Variants in CSMD3 observed in about 807,000 individuals in gnomAD.
CSMD3 encodes the protein CUB and sushi domain-containing protein 3.
A neutral mutation model predicts 435.2 loss-of-function variants in CSMD3; 177 were observed. The ratio of observed to expected loss-of-function variants is 0.41; its 90% confidence interval spans 0.36 to 0.46. The LOEUF (loss-of-function observed/expected upper bound fraction) is 0.46. Ranked by LOEUF, CSMD3 falls within the 20% of genes least tolerant of loss-of-function variation. The probability of loss-of-function intolerance (pLI) is 0.34; values close to 1 mark genes in which losing one functional copy is unlikely to be tolerated. For synonymous variants in CSMD3, 1,656 were observed against 1,520.5 expected (o/e 1.09, Z -2.07); for missense variants, 4,265 against 4,504.6 (o/e 0.95, Z 1.52).
chr8:112,296,117 C>A (rs938426691), intron 53 of CSMD3, 111 bp from the exon 54 acceptor site: 16 of 803,336 alleles, frequency 2.0e-5, no homozygotes, highest in Non-Finnish European at 4.1e-6. Flanking sequence ...AAGCAAGCAA[C>A]AAATAATTCA....
Position 112,380,244 on chromosome 8 carries a change from T to A in CSMD3, c.6136+108A>T, listed in dbSNP as rs1020515111. 4 of 609,786 alleles carry A rather than the reference T, an allele frequency of 6.6e-6. No homozygotes were observed. The Admixed American group carries it at 8.2e-5, about 13-fold the overall frequency. 37.8% of individuals were successfully genotyped at this position (609,786 alleles called of 1,614,324 possible). A position where few individuals can be genotyped will look rare whatever the true frequency, so the allele number is the denominator to read the frequency against. On this transcript the variant is annotated intron_variant, in intron 38 of 70. Transcript: ENST00000297405. ...TCAAACTTTCAAGAAAATAAGACAATGTTTTCTTTGAGAAAGTTGCTATAA... is the reference window on the plus strand; with the variant it reads ...TCAAACTTTCAAGAAAATAAGACAAAGTTTTCTTTGAGAAAGTTGCTATAA...
At chr8:113,238,012 T>C (rs1281385689) in intron 3 of CSMD3, among the ~76,000 whole-genome samples, 1 of 149,038 alleles carries the variant, frequency 6.7e-6, no homozygotes, top group Admixed American at 6.7e-5. Context: ...GAGGTGGAGG[T>C]TGCAGTGAGC....
intron 3 of CSMD3, among the ~76,000 whole-genome samples, chr8:113,248,718 C>T (rs2093305014): frequency 6.6e-6 from 1 of 150,960 alleles, no homozygotes; most frequent in African/African-American, 2.4e-5. Context: ...AATTTATTTC[C>T]ACCACACGTA....
At chr8:113,234,566 C>G (rs1319801005) in intron 3 of CSMD3, among the ~76,000 whole-genome samples, 1 of 152,126 alleles carries the variant, frequency 6.6e-6, no homozygotes, top group Non-Finnish European at 1.5e-5. Flanking sequence ...TACTAGAACA[C>G]AAGGAAGAAT....
intron 6 of CSMD3, among the ~76,000 whole-genome samples, chr8:112,995,275 A>C (rs755686067): frequency 6.6e-6 from 1 of 151,372 alleles, no homozygotes; most frequent in Non-Finnish European, 1.5e-5. Flanking sequence ...TGGAAAACAA[A>C]GTTAGTGCAA....
At chr8:112,371,163 A>G (rs1432686689) in intron 38 of CSMD3, among the ~76,000 whole-genome samples, 4 of 152,178 alleles carry the variant, frequency 2.6e-5, no homozygotes, top group Non-Finnish European at 5.9e-5. Context: ...CCTAGCCCAC[A>G]TGGATATGGG....
chr8:113,000,294 A>G (rs891573939), intron 6 of CSMD3, among the ~76,000 whole-genome samples: 6 of 152,072 alleles, frequency 3.9e-5, no homozygotes, highest in African/African-American at 1.4e-4. Context: ...GAAAAGAATG[A>G]GAAGAGGATT....
intron 17 of CSMD3, among the ~76,000 whole-genome samples, chr8:112,660,258 A>C (rs1199870442): frequency 6.6e-6 from 1 of 152,164 alleles, no homozygotes; most frequent in Non-Finnish European, 1.5e-5. Flanking sequence ...TTTAGAAAAA[A>C]ATAAAGCACC....
intron 13 of CSMD3, among the ~76,000 whole-genome samples, chr8:112,712,910 TG>T (rs1563883457): frequency 6.6e-6 from 1 of 152,084 alleles, no homozygotes; most frequent in Non-Finnish European, 1.5e-5. Context: ...TTGGGGAAGC[TG>T]GTTATTAGTC....
intron 1 of CSMD3, among the ~76,000 whole-genome samples, chr8:113,426,594 T>C (rs540761470): frequency 2.3e-4 from 35 of 151,438 alleles, no homozygotes; most frequent in Non-Finnish European, 4.2e-4. Context: ...CTGTAAGTTT[T>C]ATTAAGTAGC....
intron 13 of CSMD3, among the ~76,000 whole-genome samples, chr8:112,755,744 T>A (rs2077683514): frequency 6.6e-6 from 1 of 150,544 alleles, no homozygotes; most frequent in South Asian, 2.1e-4. Flanking sequence ...TATATTTAAA[T>A]GATGGAGGAA....
intron 3 of CSMD3, among the ~76,000 whole-genome samples, chr8:113,181,332 C>T (rs1564399236): frequency 6.6e-6 from 1 of 151,970 alleles, no homozygotes; most frequent in Non-Finnish European, 1.5e-5. Context: ...CAAACACATA[C>T]ACATTTATGC....
At chr8:112,652,494 G>T (rs2131641866) in intron 18 of CSMD3, among the ~76,000 whole-genome samples, 1 of 152,214 alleles carries the variant, frequency 6.6e-6, no homozygotes, top group Admixed American at 6.5e-5. Flanking sequence ...TAATGCTTTT[G>T]TTCATTGACC....
chr8:113,153,096 G>GA lies in CSMD3; in HGVS notation c.709+20625dup, dbSNP rs879450296. ...AAAGAAAAAGAAAGAAAGAAAGAAA[G>GA]AAAGAAAAGAAAGAAAGAAAGAAAG... On this transcript the variant is annotated intron_variant, in intron 4 of 70. Coordinates refer to ENST00000297405, the MANE Select transcript of CSMD3 (RefSeq NM_198123.2). 2.4e-3 allele frequency among the ~76,000 whole-genome samples: 202 copies of GA among 83,566 alleles called. 1 individual carries two copies. Among genetic ancestry groups the GA allele is most frequent in the East Asian group, 0.014 (21 of 1,504 alleles). The allele number at this position is 83,566 out of a possible 152,430, so 54.8% of individuals were successfully genotyped here.
At chr8:112,653,960 C>T (rs1360557126) in intron 18 of CSMD3, among the ~76,000 whole-genome samples, 1 of 151,886 alleles carries the variant, frequency 6.6e-6, no homozygotes, top group African/African-American at 2.4e-5. Context: ...ACCCAGCCAA[C>T]CTTATCTTAT....
At chr8:112,881,969 G>C (rs952092783) in intron 10 of CSMD3, among the ~76,000 whole-genome samples, 11 of 151,810 alleles carry the variant, frequency 7.2e-5, no homozygotes, top group Admixed American at 6.6e-4. Flanking sequence ...AATGTCAACT[G>C]TCAAGGTCCC....
intron 13 of CSMD3, among the ~76,000 whole-genome samples, chr8:112,724,069 A>C (rs2076916109): frequency 6.6e-6 from 1 of 152,094 alleles, no homozygotes; most frequent in Non-Finnish European, 1.5e-5. Flanking sequence ...TAATATTAGA[A>C]GGTAATAAGT....
chr8:113,431,470 T>G (rs949671428), intron 1 of CSMD3, among the ~76,000 whole-genome samples: 1 of 152,228 alleles, frequency 6.6e-6, no homozygotes. Flanking sequence ...TGGCGTATTT[T>G]CTCAAAAGGT....
At chr8:112,597,254 C>T (rs2131396171) in intron 22 of CSMD3, among the ~76,000 whole-genome samples, 1 of 152,190 alleles carries the variant, frequency 6.6e-6, no homozygotes, top group East Asian at 1.9e-4. Context: ...TGCAAATAAA[C>T]TAGAAAATCT....
Sources: allele counts gnomAD v4.1 joint callset (sites outside exome capture counted in the v4.1 genomes callset), GRCh38; gene constraint gnomAD v4.1.1; transcripts MANE v1.5; gene names NCBI Gene and HGNC (gene_info 2026-07-23, HGNC 2026-07-21).